Variants in QDPR observed in about 807,000 individuals in gnomAD.
QDPR encodes dihydropteridine reductase.
A neutral mutation model predicts 31.7 loss-of-function variants in QDPR; 23 were observed. That is an observed-to-expected ratio of 0.73 (90% CI 0.52 to 1.03). The LOEUF (loss-of-function observed/expected upper bound fraction) is 1.03, where lower values mean the gene tolerates loss of function less well. Ranked by LOEUF, QDPR falls within the 50% of genes least tolerant of loss-of-function variation. The probability of loss-of-function intolerance (pLI) is 0.00; values close to 1 mark genes in which losing one functional copy is unlikely to be tolerated. For missense variants in QDPR, 324 were observed against 323.8 expected (o/e 1.00, Z 0.00); for synonymous variants, 124 against 124.7 (o/e 0.99, Z 0.03).
intron 1 of QDPR, 84 bp from the exon 2 acceptor site, chr4:17,509,447 C>T (rs1718918065): frequency 8.1e-7 from 1 of 1,232,136 alleles, no homozygotes; most frequent in Non-Finnish European, 1.2e-6. Context: ...GGGGAGTTGG[C>T]CAGGTGTAGT....
intron 3 of QDPR, among the ~76,000 whole-genome samples, chr4:17,502,670 C>T (rs1434993829): frequency 1.3e-5 from 2 of 152,232 alleles, no homozygotes; most frequent in Non-Finnish European, 2.9e-5. Flanking sequence ...ATGTGGGTCA[C>T]AGAATGTCAA....
Position 17,506,604 on chromosome 4 carries a change from C to A in QDPR, c.199-2129G>T, listed in dbSNP as rs150276571. 2.3e-3 allele frequency among the ~76,000 whole-genome samples: 349 copies of A among 152,302 alleles called. 1 individual carries two copies. The highest frequency in any genetic ancestry group is 7.6e-3 in the African/African-American group (315 of 41,556). On this transcript the variant is annotated intron_variant, in intron 2 of 6. Transcript: ENST00000281243. Reference sequence around the variant, plus strand: ...CCAGGGCCTTTCTGTGCCTCAGTTACCCCCATTTAAAAGGAGGATAAAATT... The same window carrying A: ...CCAGGGCCTTTCTGTGCCTCAGTTAACCCCATTTAAAAGGAGGATAAAATT...
chr4:17,509,261 T>C lies in QDPR; in HGVS notation c.198+10A>G, dbSNP rs1718906995. On this transcript the variant is annotated intron_variant, in intron 2 of 6. Coordinates refer to ENST00000281243, the MANE Select transcript of QDPR (RefSeq NM_000320.3). ...CCCCTCACAATGTTTGGGGGCCTTT[T>C]TGAAACTACCTGGTCAGCCTGCTCA... The C allele has an allele frequency of 2.5e-6, 4 of 1,612,756 alleles. No homozygotes were observed. The highest frequency in any genetic ancestry group is 3.3e-5 in the Admixed American group (2 of 59,986).
At chr4:17,510,491 A>G (rs1218021508) in intron 1 of QDPR, among the ~76,000 whole-genome samples, 15 of 152,214 alleles carry the variant, frequency 9.9e-5, no homozygotes, top group Non-Finnish European at 1.5e-5. Flanking sequence ...ATTCATCAAC[A>G]TTTGTTATAT....
chr4:17,492,486 C>A (rs1718204222), intron 4 of QDPR, 146 bp from the exon 5 acceptor site: 1 of 680,932 alleles, frequency 1.5e-6, no homozygotes. Context: ...ACGCCCTCAC[C>A]AACCCCCATC....
chr4:17,499,693 G>C (rs990359606), intron 4 of QDPR, among the ~76,000 whole-genome samples: 8 of 152,202 alleles, frequency 5.3e-5, no homozygotes, highest in Non-Finnish European at 2.9e-5. Flanking sequence ...GCCAAGGCAG[G>C]AGCATCACCT....
intron 6 of QDPR, chr4:17,490,288 T>C (rs1718111883): frequency 1.3e-5 from 4 of 316,266 alleles, no homozygotes; most frequent in Non-Finnish European, 2.5e-5. Flanking sequence ...ACTGAGCACT[T>C]GTTATGGCCA....
chr4:17,497,371 T>C (rs1194225949), intron 4 of QDPR, among the ~76,000 whole-genome samples: 1 of 152,068 alleles, frequency 6.6e-6, no homozygotes, highest in African/African-American at 2.4e-5. Flanking sequence ...AAGACCCTGT[T>C]TGAATCAGCT....
Position 17,486,993 on chromosome 4 carries a change from A to T in QDPR, c.*138T>A. ...TACACTGTCCTAGGAGAGCAAATGC[A>T]TATTATGTGAGAGAAAAATAGGACT... is the stretch of plus-strand genomic sequence containing the variant. On this transcript the variant is annotated 3_prime_UTR_variant, in exon 7 of 7. Transcript: ENST00000281243. The T allele has an allele frequency of 1.4e-6, 1 of 736,288 alleles. No homozygotes were observed. Among genetic ancestry groups the T allele is most frequent in the East Asian group, 2.7e-5 (1 of 37,388 alleles). The allele number at this position is 736,288 out of a possible 1,614,324, so 45.6% of individuals were successfully genotyped here.
chr4:17,510,569 C>T (rs746354523), intron 1 of QDPR, among the ~76,000 whole-genome samples: 4 of 152,160 alleles, frequency 2.6e-5, no homozygotes, highest in African/African-American at 9.7e-5. Context: ...CCTAGCCCTC[C>T]CTAAGATGGC....
intron 2 of QDPR, among the ~76,000 whole-genome samples, 173 bp from the exon 3 acceptor site, chr4:17,504,648 T>C (rs966788899): frequency 1.3e-5 from 2 of 152,196 alleles, no homozygotes; most frequent in Non-Finnish European, 2.9e-5. Context: ...ATTTTAGACA[T>C]TGAAGCCCAA....
chr4:17,487,304 C>T (rs1717997298), intron 6 of QDPR, 68 bp from the exon 7 acceptor site: 1 of 1,214,224 alleles, frequency 8.2e-7, no homozygotes. Context: ...CTGACCTTCA[C>T]AGTGACGGCT....
In QDPR at chr4:17,486,444, G is replaced by A. The variant is rs1340467727; in HGVS notation, c.*687C>T. 6.6e-6 allele frequency: 1 copy of A among 152,312 alleles called. No individual in the cohort carries two copies. The highest frequency in any genetic ancestry group is 2.4e-5 in the African/African-American group (1 of 41,408). The allele number at this position is 152,312 out of a possible 1,614,324, so 9.4% of individuals were successfully genotyped here. ...AGGATTTAAATCCACCCCCTTCTGA[G>A]AACATCAGATTAAAAGACCTCCAGC... On this transcript the variant is annotated 3_prime_UTR_variant, in exon 7 of 7. Transcript: ENST00000281243.
At chr4:17,493,827 T>C (rs1718257318) in intron 4 of QDPR, among the ~76,000 whole-genome samples, 1 of 152,140 alleles carries the variant, frequency 6.6e-6, no homozygotes. Flanking sequence ...AACCTCCTAA[T>C]TGCTTGGTCA....
At chr4:17,501,132 T>A (rs1718546839) in intron 4 of QDPR, among the ~76,000 whole-genome samples, 1 of 152,210 alleles carries the variant, frequency 6.6e-6, no homozygotes, top group Admixed American at 6.5e-5. Flanking sequence ...ACTGAAGAAC[T>A]GGTTCAGGGT....
At chr4:17,510,617 G>A (rs1303661955) in intron 1 of QDPR, among the ~76,000 whole-genome samples, 1 of 152,188 alleles carries the variant, frequency 6.6e-6, no homozygotes, top group African/African-American at 2.4e-5. Flanking sequence ...AGAGCCAGAG[G>A]TAAATCAGCT....
At position 17,487,027 on chromosome 4, in the gene QDPR, C is replaced by T. The variant is rs1001640559; in HGVS notation, c.*104G>A. 13 of 879,280 alleles carry T rather than the reference C, an allele frequency of 1.5e-5. No individual in the cohort carries two copies. Among genetic ancestry groups the T allele is most frequent in the African/African-American group, 1.2e-4 (7 of 60,764 alleles). The allele number at this position is 879,280 out of a possible 1,614,324, so 54.5% of individuals were successfully genotyped here. A position where few individuals can be genotyped will look rare whatever the true frequency, so the allele number is the denominator to read the frequency against. On this transcript the variant is annotated 3_prime_UTR_variant, in exon 7 of 7. Coordinates refer to ENST00000281243, the MANE Select transcript of QDPR (RefSeq NM_000320.3). ...GAGAGAAAAATAGGACTCATTATCT[C>T]GTACCACAAACAGGGGTTACAGAAA...
chr4:17,511,510 C>CT (rs1719006004), intron 1 of QDPR, among the ~76,000 whole-genome samples: 1 of 152,198 alleles, frequency 6.6e-6, no homozygotes, highest in South Asian at 2.1e-4. Flanking sequence ...CCAACTCTCA[C>CT]TGTCAGAATC....
rs1399923801 is a variant in QDPR at position 17,492,350 on chromosome 4, G to C, written c.437-10C>G. ...CCGTACCCGATCATACCTGGGAAAT[G>C]GGGAGAAGATGGCTCAGTGACCACT... On this transcript the variant is annotated splice_polypyrimidine_tract_variant and intron_variant, in intron 4 of 6. Transcript: ENST00000281243. 13 of 1,611,420 alleles carry C rather than the reference G, an allele frequency of 8.1e-6. No homozygotes were observed. Among genetic ancestry groups the C allele is most frequent in the Non-Finnish European group, 1.0e-5 (12 of 1,177,780 alleles).
Sources: gnomAD v4.1 joint callset for allele counts (sites outside exome capture counted in the v4.1 genomes callset) on GRCh38, gnomAD v4.1.1 for gene constraint, MANE v1.5 for transcripts, NCBI Gene and HGNC (gene_info 2026-07-23, HGNC 2026-07-21) for gene names.